DNER: variants seen among roughly 807,000 people sequenced by gnomAD.
DNER encodes delta/notch like EGF repeat containing, also known as delta and Notch-like epidermal growth factor-related receptor.
In DNER, 33 loss-of-function variants were observed where a neutral mutation model predicts 78.2. That is an observed-to-expected ratio of 0.42 (90% CI 0.32 to 0.56). The LOEUF (loss-of-function observed/expected upper bound fraction) is 0.56. Ranked by LOEUF, DNER falls within the 20% of genes least tolerant of loss-of-function variation. The pLI is 0.11. For missense variants in DNER, 918 were observed against 975.3 expected, an observed-to-expected ratio of 0.94 and a Z score of 0.78; for synonymous variants, 417 against 384.8, an observed-to-expected ratio of 1.08 and a Z score of -0.98.
chr2:229,434,071 G>A (rs938350739), intron 8 of DNER, among the ~76,000 whole-genome samples: 3 of 152,186 alleles, frequency 2.0e-5, no homozygotes, highest in African/African-American at 7.2e-5. Context: ...TGGCCTCATA[G>A]ATACATAGTT....
chr2:229,379,045 T>A (rs1420876383), intron 11 of DNER, among the ~76,000 whole-genome samples: 1 of 152,156 alleles, frequency 6.6e-6, no homozygotes, highest in Non-Finnish European at 1.5e-5. Context: ...GAAATATAAA[T>A]GAGATCATCA....
chr2:229,533,833 G>A (rs79911669), intron 5 of DNER, among the ~76,000 whole-genome samples: 3,984 of 152,238 alleles, frequency 0.026, 150 homozygotes, highest in African/African-American at 0.091. Context: ...TTTTGTTATC[G>A]GAGATAAAAT....
chr2:229,486,185 T>C (rs1378132147), intron 6 of DNER, among the ~76,000 whole-genome samples: 1 of 152,144 alleles, frequency 6.6e-6, no homozygotes, highest in Non-Finnish European at 1.5e-5. Context: ...CATCCTATTT[T>C]AAAGTCGGAA....
At chr2:229,689,067 A>C (rs541655856) in intron 1 of DNER, among the ~76,000 whole-genome samples, 2 of 152,334 alleles carry the variant, frequency 1.3e-5, no homozygotes, top group East Asian at 3.9e-4. Context: ...GGATTGGCTG[A>C]TAGGTGCAGC....
chr2:229,571,932 A>G (rs186154120), intron 4 of DNER, among the ~76,000 whole-genome samples: 5 of 152,128 alleles, frequency 3.3e-5, no homozygotes, highest in African/African-American at 7.2e-5. Flanking sequence ...TCCCCATGTT[A>G]TATCTCCACC....
At chr2:229,516,800 A>AAAG (rs1553536935) in intron 5 of DNER, among the ~76,000 whole-genome samples, 3 of 131,236 alleles carry the variant, frequency 2.3e-5, no homozygotes, top group Non-Finnish European at 3.1e-5. Flanking sequence ...AAAAAAAAAA[A>AAAG]AAAAGAAAAG....
intron 7 of DNER, among the ~76,000 whole-genome samples, chr2:229,454,670 T>A (rs1164085161): frequency 6.6e-6 from 1 of 151,938 alleles, no homozygotes; most frequent in Non-Finnish European, 1.5e-5. Flanking sequence ...CAATAAATGC[T>A]TGTAGAATTG....
intron 1 of DNER, among the ~76,000 whole-genome samples, chr2:229,676,363 C>A (rs1284621104): frequency 6.6e-6 from 1 of 152,228 alleles, no homozygotes; most frequent in East Asian, 1.9e-4. Flanking sequence ...AGAGAGCATA[C>A]TCACCTGCTC....
In DNER at chr2:229,619,750, T is replaced by C. The variant is rs558710280; in HGVS notation, c.277-27862A>G. 3.9e-5 allele frequency among the ~76,000 whole-genome samples: 6 copies of C among 152,344 alleles called. No individual in the cohort carries two copies. The East Asian group carries it at 1.2e-3, about 29-fold the overall frequency. ...TCTGGGAAACTCATTTAAAGTAATTTATCAAATGCTAGGTAAAGGAGCTGG... is the reference window on the plus strand; with the variant it reads ...TCTGGGAAACTCATTTAAAGTAATTCATCAAATGCTAGGTAAAGGAGCTGG... On this transcript the variant is annotated intron_variant, in intron 1 of 12. Coordinates refer to ENST00000341772, the MANE Select transcript of DNER (RefSeq NM_139072.4).
At chr2:229,360,569 C>T (rs760116361) in intron 12 of DNER, among the ~76,000 whole-genome samples, 32 of 152,112 alleles carry the variant, frequency 2.1e-4, no homozygotes, top group Non-Finnish European at 3.1e-4. Flanking sequence ...CCCGCCACCA[C>T]GCCCAGCTAA....
chr2:229,545,464 A>G (rs977693791), intron 5 of DNER, among the ~76,000 whole-genome samples: 5 of 152,218 alleles, frequency 3.3e-5, no homozygotes, highest in African/African-American at 1.2e-4. Flanking sequence ...AATCCCAGCT[A>G]CTTGGGAGGC....
chr2:229,489,268 G>A (rs1382042858), intron 6 of DNER, among the ~76,000 whole-genome samples: 1 of 152,208 alleles, frequency 6.6e-6, no homozygotes, highest in East Asian at 1.9e-4. Flanking sequence ...AATGGAAGAG[G>A]AAGAGCCAGG....
chr2:229,395,300 A>C (rs944815109), intron 10 of DNER, among the ~76,000 whole-genome samples: 1 of 152,132 alleles, frequency 6.6e-6, no homozygotes, highest in Non-Finnish European at 1.5e-5. Context: ...ACATAAGAAA[A>C]CTGTGGTTTG....
chr2:229,394,042 A>C (rs1693076366), intron 10 of DNER, among the ~76,000 whole-genome samples: 1 of 152,146 alleles, frequency 6.6e-6, no homozygotes. Context: ...CAAGATGTGC[A>C]ACAAACCCCA....
At chr2:229,573,609 T>C (rs185388332) in intron 4 of DNER, among the ~76,000 whole-genome samples, 11 of 152,150 alleles carry the variant, frequency 7.2e-5, no homozygotes, top group African/African-American at 2.7e-4. Context: ...AAAAAGTCTA[T>C]GATAAAAGGT....
At chr2:229,524,514 G>C (rs1696163062) in intron 5 of DNER, among the ~76,000 whole-genome samples, 1 of 152,136 alleles carries the variant, frequency 6.6e-6, no homozygotes, top group African/African-American at 2.4e-5. Context: ...ATGGTTGACT[G>C]GTCCTCCTTC....
chr2:229,663,443 C>T lies in DNER; in HGVS notation c.276+50705G>A, dbSNP rs532400109. 2.0e-5 allele frequency among the ~76,000 whole-genome samples: 3 copies of T among 152,322 alleles called. No individual in the cohort carries two copies. The East Asian group carries it at 5.8e-4, about 29-fold the overall frequency. ...CAAACCAAAGACATCATTTATCCAA[C>T]GAAGTGATTTCCGTGTCGCATTTCT... On this transcript the variant is annotated intron_variant, in intron 1 of 12. Transcript: ENST00000341772.
Position 229,358,479 on chromosome 2 carries a change from T to C in DNER, c.*61A>G, listed in dbSNP as rs1692138145. 11 of 1,300,666 alleles carry C rather than the reference T, an allele frequency of 8.5e-6. No homozygotes were observed. In the East Asian group the frequency reaches 2.9e-4, roughly 34 times the overall value. 80.6% of individuals were successfully genotyped at this position (1,300,666 alleles called of 1,614,324 possible). ...TTTAAATTTCTTAAGCTTTTTATTT[T>C]CTTAAAAATATTTAAATGAGTGTAG... is the stretch of plus-strand genomic sequence containing the variant. On this transcript the variant is annotated 3_prime_UTR_variant, in exon 13 of 13. Coordinates refer to ENST00000341772, the MANE Select transcript of DNER (RefSeq NM_139072.4).
intron 1 of DNER, among the ~76,000 whole-genome samples, chr2:229,619,995 T>C (rs1046574530): frequency 1.3e-5 from 2 of 152,226 alleles, no homozygotes; most frequent in South Asian, 2.1e-4. Context: ...AAGTATTCTT[T>C]TATTATTATG....
Sources: allele counts gnomAD v4.1 joint callset (sites outside exome capture counted in the v4.1 genomes callset), GRCh38; gene constraint gnomAD v4.1.1; transcripts MANE v1.5; gene names NCBI Gene and HGNC (gene_info 2026-07-23, HGNC 2026-07-21).